ABL2: variants seen among roughly 807,000 people sequenced by gnomAD.
The protein encoded by ABL2 is ABL proto-oncogene 2, non-receptor tyrosine kinase.
Under a neutral mutation model 107.7 loss-of-function variants are expected in ABL2, and 49 were observed. That is an observed-to-expected ratio of 0.45 (90% CI 0.36 to 0.58). The LOEUF (loss-of-function observed/expected upper bound fraction) is 0.58. ABL2 is among the 20% of genes least tolerant of loss of function. The pLI is 0.00. For missense variants in ABL2, 1,245 were observed against 1,457.0 expected, an observed-to-expected ratio of 0.85 and a Z score of 2.37; for synonymous variants, 549 against 548.6, an observed-to-expected ratio of 1.00 and a Z score of -0.01.
chr1:179,154,452 A>G (rs1658557823), intron 1 of ABL2, among the ~76,000 whole-genome samples: 1 of 152,102 alleles, frequency 6.6e-6, no homozygotes, highest in East Asian at 1.9e-4. Context: ...ATATTCGGAA[A>G]CTCTGACTGA....
chr1:179,126,413 C>G lies in ABL2; in HGVS notation c.651G>C (p.Val217=), dbSNP rs28914528. Residue 217 remains valine, a synonymous_variant, in exon 4 of 12, where the codon GTG becomes GTC. Transcript: ENST00000502732. The surrounding 1 kb of genome is among the most constrained non-coding windows in gnomAD (Gnocchi z 4.4). The part of the protein sequence containing the change: ...LSISLRYEGR[V]YHYRINTTAD... The stretch of plus-strand genomic sequence containing the variant: ...CAGTGGTATTGATCCTGTAGTGATA[C>G]ACACGTCCCTCGTACCTGAGCGAGA... 1 of 1,614,132 alleles carries G rather than the reference C, an allele frequency of 6.2e-7. No homozygotes were observed.
intron 1 of ABL2, among the ~76,000 whole-genome samples, chr1:179,199,533 T>C (rs927499610): frequency 5.9e-5 from 9 of 152,182 alleles, no homozygotes; most frequent in African/African-American, 9.7e-5. Context: ...TCACAGCACA[T>C]GTACTCTAAC....
At chr1:179,202,953 A>G (rs1661753185) in intron 1 of ABL2, among the ~76,000 whole-genome samples, 1 of 152,236 alleles carries the variant, frequency 6.6e-6, no homozygotes, top group Non-Finnish European at 1.5e-5. Context: ...GAAAAATGAC[A>G]ACAAAAAATT....
intron 1 of ABL2, among the ~76,000 whole-genome samples, chr1:179,136,044 A>T (rs1343862900): frequency 1.2e-4 from 17 of 141,840 alleles, no homozygotes; most frequent in African/African-American, 2.7e-5. Context: ...GGAAGTGAGG[A>T]GCCCCTCTGC....
Position 179,099,634 on chromosome 1 carries a change from G to A in ABL2, c.*8084C>T, listed in dbSNP as rs1557893143. The A allele has an allele frequency of 1.7e-5, 4 of 231,232 alleles. No individual in the cohort carries two copies. Among genetic ancestry groups the A allele is most frequent in the Middle Eastern group, 1.3e-3 (1 of 800 alleles). 14.3% of individuals were successfully genotyped at this position (231,232 alleles called of 1,614,324 possible). A position where few individuals can be genotyped will look rare whatever the true frequency, so the allele number is the denominator to read the frequency against. ...CCCCTTAGCAATGCACACAGTGCCC[G>A]ATGCTCCAAACCTCACCCTCTGTGC... On this transcript the variant is annotated 3_prime_UTR_variant, in exon 12 of 12. Coordinates refer to ENST00000502732, the MANE Select transcript of ABL2 (RefSeq NM_007314.4).
chr1:179,129,947 T>A (rs948259068), intron 3 of ABL2, among the ~76,000 whole-genome samples: 3 of 151,824 alleles, frequency 2.0e-5, no homozygotes, highest in Non-Finnish European at 4.4e-5. Context: ...CTTTTGTTTT[T>A]GTTTTTTTAA....
chr1:179,139,355 A>G (rs1657356824), intron 1 of ABL2, among the ~76,000 whole-genome samples: 1 of 152,142 alleles, frequency 6.6e-6, no homozygotes, highest in South Asian at 2.1e-4. Context: ...TTCACTCCTG[A>G]GCCAGCGAGA....
rs554606920 is a variant in ABL2 at position 179,112,778 on chromosome 1, G to A, written c.1562-380C>T. ...CTAATTTTTTTTTTTTTTTTGAGACGGAATCTAACTCTGTCACCCAGGCTG... is the reference window on the plus strand; with the variant it reads ...CTAATTTTTTTTTTTTTTTTGAGACAGAATCTAACTCTGTCACCCAGGCTG... On this transcript the variant is annotated intron_variant, in intron 9 of 11. Coordinates refer to ENST00000502732, the MANE Select transcript of ABL2 (RefSeq NM_007314.4). Among the ~76,000 whole-genome samples, 19 of 147,144 alleles carry A rather than the reference G, an allele frequency of 1.3e-4. No individual in the cohort carries two copies. The East Asian group carries it at 1.8e-3, about 14-fold the overall frequency.
At chr1:179,214,519 C>CATATATATATATATATATATATAT (rs59744061) in intron 1 of ABL2, among the ~76,000 whole-genome samples, 6 of 122,144 alleles carry the variant, frequency 4.9e-5, no homozygotes, top group South Asian at 2.9e-4. Flanking sequence ...TTTAAAATGA[C>CATATATATATATATATATATATAT]ATATATATAT....
In ABL2 at chr1:179,136,823, C is replaced by T. The variant is rs145500899; in HGVS notation, c.158-3449G>A. Among the ~76,000 whole-genome samples the T allele has an allele frequency of 3.6e-3, 538 of 150,634 alleles. 2 individuals carry two copies. The highest frequency in any genetic ancestry group is 5.6e-3 in the Non-Finnish European group (379 of 67,804). ...CCCAGCTACTTCGGAGGCTGAGGCA[C>T]GAGAATTGCTTGAGTCTGGGAGGTG... On this transcript the variant is annotated intron_variant, in intron 1 of 11. Coordinates refer to ENST00000502732, the MANE Select transcript of ABL2 (RefSeq NM_007314.4).
intron 4 of ABL2, among the ~76,000 whole-genome samples, chr1:179,122,083 T>G (rs573724320): frequency 6.6e-6 from 1 of 151,500 alleles, no homozygotes; most frequent in Non-Finnish European, 1.5e-5. Flanking sequence ...CCCGCCACCA[T>G]GCCCGGCTAA....
rs932222322 is a variant in ABL2 at position 179,201,746 on chromosome 1, T to C, written c.157+27495A>G. The C allele has an allele frequency of 1.3e-5, 10 of 774,308 alleles. No homozygotes were observed. In the African/African-American group the frequency reaches 1.7e-4, roughly 13 times the overall value. The allele number at this position is 774,308 out of a possible 1,614,324, so 48.0% of individuals were successfully genotyped here. On this transcript the variant is annotated intron_variant, in intron 1 of 11. Coordinates refer to ENST00000502732, the MANE Select transcript of ABL2 (RefSeq NM_007314.4). Reference sequence around the variant, plus strand: ...AGCAAGTTTCTTTAGTCATCAACTATGACCTTCCCACCAATAGGGAAAATT... The same window carrying C: ...AGCAAGTTTCTTTAGTCATCAACTACGACCTTCCCACCAATAGGGAAAATT...
intron 1 of ABL2, among the ~76,000 whole-genome samples, chr1:179,192,579 A>G (rs569542365): frequency 1.3e-5 from 2 of 152,336 alleles, no homozygotes; most frequent in South Asian, 4.1e-4. Flanking sequence ...ACCTGTAAGT[A>G]CCAGAAAAAT....
At chr1:179,194,926 C>T (rs1661217562) in intron 1 of ABL2, among the ~76,000 whole-genome samples, 1 of 152,070 alleles carries the variant, frequency 6.6e-6, no homozygotes, top group African/African-American at 2.4e-5. Flanking sequence ...AACAGATACA[C>T]AAATAGCCAA....
chr1:179,169,542 C>T (rs892369196), intron 1 of ABL2, among the ~76,000 whole-genome samples: 18 of 149,718 alleles, frequency 1.2e-4, no homozygotes, highest in African/African-American at 4.4e-4. Context: ...AGCAAGACCC[C>T]ATCTCAAAAT....
In ABL2 at chr1:179,108,934, A is replaced by G; in HGVS notation, c.2333T>C (p.Phe778Ser). The G allele has an allele frequency of 1.2e-6, 2 of 1,614,164 alleles. No homozygotes were observed. The highest frequency in any genetic ancestry group is 1.7e-6 in the Non-Finnish European group (2 of 1,180,040). Reference sequence around the variant, plus strand: ...GGAAGATGTAGAGTTTGACCTTGGAAAAGGCTTGGAAGTGTCATCACTGGC... The same window carrying G: ...GGAAGATGTAGAGTTTGACCTTGGAGAAGGCTTGGAAGTGTCATCACTGGC... ...PTASDDTSKP[F>S]PRSNSTSSMS... The change falls in exon 12 of 12, where the codon TTT becomes TCT. Residue 778 changes from phenylalanine (F) to serine (S), a missense_variant. This residue lies in a region of ABL2 where 761 missense variants were observed against 766.4 expected (regional missense o/e 0.99). Transcript: ENST00000502732.
intron 1 of ABL2, among the ~76,000 whole-genome samples, chr1:179,193,480 T>G (rs1661133044): frequency 6.6e-6 from 1 of 151,824 alleles, no homozygotes; most frequent in Non-Finnish European, 1.5e-5. Flanking sequence ...CTTGACTCAC[T>G]TGCAACCTCT....
chr1:179,213,041 C>T (rs1284866014), intron 1 of ABL2, among the ~76,000 whole-genome samples: 1 of 117,344 alleles, frequency 8.5e-6, no homozygotes, highest in African/African-American at 3.2e-5. Flanking sequence ...GGTGAAACTC[C>T]GTCTCAAAAA....
intron 1 of ABL2, among the ~76,000 whole-genome samples, chr1:179,193,321 T>C (rs183410394): frequency 2.6e-4 from 40 of 152,144 alleles, no homozygotes; most frequent in Admixed American, 2.4e-3. Context: ...AAGGTGAATA[T>C]TATTGTCAAA....
Sources: gnomAD v4.1 joint callset for allele counts (sites outside exome capture counted in the v4.1 genomes callset) on GRCh38, gnomAD v4.1.1 for gene constraint, gnomAD v4.1.1 regional missense constraint, Gnocchi (gnomAD v3.1) non-coding constraint, MANE v1.5 for transcripts, NCBI Gene and HGNC (gene_info 2026-07-23, HGNC 2026-07-21) for gene names.